The following CTBP1 variants were observed in gnomAD, a reference collection of about 807,000 sequenced individuals.
CTBP1 encodes C-terminal binding protein 1, also known as C-terminal-binding protein 1.
Under a neutral mutation model 42.1 loss-of-function variants are expected in CTBP1, and 11 were observed. That is an observed-to-expected ratio of 0.26 (90% confidence interval 0.16 to 0.43). The LOEUF (loss-of-function observed/expected upper bound fraction) is 0.43, where lower values mean the gene tolerates loss of function less well. Ranked by LOEUF, CTBP1 falls within the 20% of genes least tolerant of loss-of-function variation. CTBP1 has a pLI of 1.00. For synonymous variants in CTBP1, 324 were observed against 277.1 expected (o/e 1.17, Z -1.68); for missense variants, 399 against 624.3 (o/e 0.64, Z 3.85).
chr4:1,243,694 C>T (rs767713337), intron 1 of CTBP1: 1 of 985,454 alleles, frequency 1.0e-6, no homozygotes, highest in Non-Finnish European at 1.2e-6. Context: ...GAGCTGGCCT[C>T]CTACGGCCTT....
intron 2 of CTBP1, among the ~76,000 whole-genome samples, chr4:1,240,556 G>A (rs35964621): frequency 0.081 from 509 of 6,322 alleles, 58 homozygotes; most frequent in Non-Finnish European, 0.11. Flanking sequence ...GTCCCTCGTC[G>A]GAACCGCGTG....
At chr4:1,249,865 T>G, upstream of CTBP1, 1 of 204,482 alleles carries the variant, frequency 4.9e-6, no homozygotes, top group Non-Finnish European at 1.1e-5. Context: ...TGCTTTCCCT[T>G]TAAGCATTAA....
intron 1 of CTBP1, 70 bp from the exon 2 acceptor site, chr4:1,241,589 G>T: frequency 6.7e-7 from 1 of 1,483,828 alleles, no homozygotes; most frequent in Non-Finnish European, 9.0e-7. Context: ...AGACTCCAGG[G>T]AACGCCTCAG....
Position 1,221,973 on chromosome 4 carries a change from G to A in CTBP1, c.514+3387C>T, listed in dbSNP as rs549674170. 3.5e-4 allele frequency: 110 copies of A among 310,110 alleles called. 1 individual carries two copies. In the Admixed American group the frequency reaches 4.5e-3, roughly 13 times the overall value. The allele number at this position is 310,110 out of a possible 1,614,324, so 19.2% of individuals were successfully genotyped here. A position where few individuals can be genotyped will look rare whatever the true frequency, so the allele number is the denominator to read the frequency against. ...AAGCGGCCGCCCCCTAGTCTGCGCC[G>A]AGTGGCACCAACACCGTGAGCCACA... On this transcript the variant is annotated intron_variant, in intron 5 of 9. Transcript: ENST00000382952.
At chr4:1,245,013 A>T (rs929667882) in intron 1 of CTBP1, 5 of 985,334 alleles carry the variant, frequency 5.1e-6, no homozygotes, top group Non-Finnish European at 2.4e-6. Context: ...GCCGCACAGC[A>T]GCATGGAGCC....
At position 1,231,834 on chromosome 4, in the gene CTBP1, A is replaced by G. The variant is rs1003272042; in HGVS notation, c.163-3491T>C. On this transcript the variant is annotated intron_variant, in intron 3 of 9. Transcript: ENST00000382952. ...ACCGGCACGGCCGTTTCTATCCCAC[A>G]TGAAGGGCCAGGCCCAGGCTCCCTC... Among the ~76,000 whole-genome samples the G allele has an allele frequency of 9.2e-5, 14 of 152,268 alleles. 1 individual carries two copies. Among genetic ancestry groups the G allele is most frequent in the East Asian group, 1.9e-4 (1 of 5,174 alleles).
chr4:1,243,639 C>T (rs1732418355), intron 1 of CTBP1: 1 of 985,322 alleles, frequency 1.0e-6, no homozygotes. Flanking sequence ...GTCCTGGAGC[C>T]CTCACCTAGG....
At chr4:1,246,537 G>A (rs1490864212) in intron 1 of CTBP1, among the ~76,000 whole-genome samples, 1 of 152,222 alleles carries the variant, frequency 6.6e-6, no homozygotes, top group Non-Finnish European at 1.5e-5. Flanking sequence ...GAGCACCAGG[G>A]CACAGCCGGG....
At chr4:1,216,795 G>C (rs928836881) in intron 5 of CTBP1, 1 of 161,530 alleles carries the variant, frequency 6.2e-6, no homozygotes, top group Non-Finnish European at 1.4e-5. Flanking sequence ...ACGGGTCCCA[G>C]CACAGGAGCC....
chr4:1,242,519 C>G, intron 1 of CTBP1: 1 of 985,082 alleles, frequency 1.0e-6, no homozygotes, highest in Non-Finnish European at 1.2e-6. Flanking sequence ...ATCTCCAACC[C>G]TCAACTCCCT....
chr4:1,238,611 G>A lies in CTBP1; in HGVS notation c.8-274C>T, dbSNP rs576045220. ...CTCCGAGACCCTCCAAGTCCCCTCC[G>A]AGACCCTCCAAGGCCCCTCCGAGAT... On this transcript the variant is annotated intron_variant, in intron 2 of 9. Transcript: ENST00000382952. This position sits in a 1 kb window ranked among gnomAD's most constrained non-coding sequence, Gnocchi z 5.9. Among the ~76,000 whole-genome samples the A allele has an allele frequency of 6.0e-5, 9 of 150,356 alleles. No individual in the cohort carries two copies. In the South Asian group the frequency reaches 1.3e-3, roughly 22 times the overall value.
intron 3 of CTBP1, among the ~76,000 whole-genome samples, chr4:1,228,561 C>T (rs372353883): frequency 2.6e-5 from 4 of 152,240 alleles, no homozygotes; most frequent in African/African-American, 4.8e-5. Flanking sequence ...CAATTCCCAC[C>T]GCAGCCTCCT....
At chr4:1,246,542 G>A (rs571815210) in intron 1 of CTBP1, among the ~76,000 whole-genome samples, 1 of 152,360 alleles carries the variant, frequency 6.6e-6, no homozygotes, top group East Asian at 1.9e-4. Flanking sequence ...CCAGGGCACA[G>A]CCGGGCACAA....
intron 1 of CTBP1, chr4:1,244,497 C>A (rs1359587851): frequency 3.0e-6 from 3 of 985,234 alleles, no homozygotes; most frequent in Non-Finnish European, 3.6e-6. Context: ...CAACCCTCCA[C>A]GTCCCTCCAC....
At chr4:1,230,660 C>T (rs1343754398) in intron 3 of CTBP1, among the ~76,000 whole-genome samples, 2 of 152,264 alleles carry the variant, frequency 1.3e-5, no homozygotes, top group Non-Finnish European at 2.9e-5. Context: ...AGCCTGCTTT[C>T]ACCCGGAGCA....
chr4:1,216,364 C>T (rs554545454), intron 5 of CTBP1, 159 bp from the exon 6 acceptor site: 55 of 709,364 alleles, frequency 7.8e-5, no homozygotes, highest in Admixed American at 2.7e-4. Flanking sequence ...ACGCTCCACA[C>T]GAGCGCTCCA....
chr4:1,212,356 TG>T lies in CTBP1; in HGVS notation c.1173del (p.Ser392AlafsTer110). On this transcript the variant is annotated frameshift_variant, in exon 10 of 10. Transcript: ENST00000382952. LOFTEE classifies it high-confidence loss of function. ...GIPAAVEGIV[P>X]SAMSLSHGLP... Reference sequence around the variant, plus strand: ...AGGCCGTGGGACAGGGACATGGCGCTGGGGACGATACCTTCCACAGCAGCTG... The same window carrying T: ...AGGCCGTGGGACAGGGACATGGCGCTGGGACGATACCTTCCACAGCAGCTG... The T allele has an allele frequency of 1.3e-6, 2 of 1,512,594 alleles. No homozygotes were observed. Among genetic ancestry groups the T allele is most frequent in the South Asian group, 1.3e-5 (1 of 78,826 alleles). 93.7% of individuals were successfully genotyped at this position (1,512,594 alleles called of 1,614,324 possible). A position where few individuals can be genotyped will look rare whatever the true frequency, so the allele number is the denominator to read the frequency against.
chr4:1,234,164 G>A (rs1389514852), intron 3 of CTBP1, among the ~76,000 whole-genome samples: 1 of 152,212 alleles, frequency 6.6e-6, no homozygotes, highest in Non-Finnish European at 1.5e-5. Context: ...TGCGAAACGC[G>A]GACTCGGCAT....
At chr4:1,226,298 C>G (rs1730335944) in intron 4 of CTBP1, among the ~76,000 whole-genome samples, 1 of 152,162 alleles carries the variant, frequency 6.6e-6, no homozygotes, top group Non-Finnish European at 1.5e-5. Context: ...ACTTCCCACC[C>G]CATCCGGATG....
Sources: allele counts gnomAD v4.1 joint callset (sites outside exome capture counted in the v4.1 genomes callset), GRCh38; gene constraint gnomAD v4.1.1; non-coding constraint Gnocchi (gnomAD v3.1); transcripts MANE v1.5; gene names NCBI Gene and HGNC (gene_info 2026-07-23, HGNC 2026-07-21).